The following DSCAM variants were observed in gnomAD, a reference collection of about 807,000 sequenced individuals.
DSCAM encodes the protein cell adhesion molecule DSCAM.
DSCAM carries 47 observed loss-of-function variants against 217.7 expected under a neutral mutation model. The ratio of observed to expected loss-of-function variants is 0.22; its 90% CI spans 0.17 to 0.28. DSCAM has a LOEUF of 0.28. Ranked by LOEUF, DSCAM falls within the 10% of genes least tolerant of loss-of-function variation. The pLI, the probability that DSCAM is intolerant of heterozygous loss-of-function variation, is 1.00. For synonymous variants in DSCAM, 1,056 were observed against 1,015.3 expected (o/e 1.04, Z -0.76); for missense variants, 2,080 against 2,618.3 (o/e 0.79, Z 4.49).
intron 16 of DSCAM, among the ~76,000 whole-genome samples, chr21:40,145,996 A>G (rs1056459768): frequency 6.6e-6 from 1 of 152,146 alleles, no homozygotes; most frequent in Admixed American, 6.5e-5. Context: ...GTATACATGT[A>G]CATATGTATG....
chr21:40,044,343 A>C, intron 30 of DSCAM, 68 bp from the exon 31 acceptor site: 1 of 1,502,272 alleles, frequency 6.7e-7, no homozygotes, highest in East Asian at 2.4e-5. Flanking sequence ...GCAAGCGTAG[A>C]GGTCAGTGCC....
intron 3 of DSCAM, among the ~76,000 whole-genome samples, chr21:40,541,232 C>G (rs890099164): frequency 3.3e-5 from 5 of 152,056 alleles, no homozygotes; most frequent in African/African-American, 1.2e-4. Context: ...ATTACTATAA[C>G]TAGTCCAGAA....
chr21:40,822,753 G>A (rs376057509), intron 1 of DSCAM, among the ~76,000 whole-genome samples: 1 of 152,306 alleles, frequency 6.6e-6, no homozygotes, highest in East Asian at 1.9e-4. Flanking sequence ...TATACAATAT[G>A]TAAACCCTAC....
At chr21:40,127,217 T>C (rs772981241) in intron 19 of DSCAM, among the ~76,000 whole-genome samples, 3 of 152,234 alleles carry the variant, frequency 2.0e-5, no homozygotes, top group Non-Finnish European at 4.4e-5. Flanking sequence ...TCATCTCTAA[T>C]AACCATCCTT....
chr21:40,517,362 A>T (rs2076310021), intron 3 of DSCAM, among the ~76,000 whole-genome samples: 1 of 150,350 alleles, frequency 6.7e-6, no homozygotes, highest in Non-Finnish European at 1.5e-5. Context: ...ATATACACAC[A>T]CACATATACC....
At chr21:40,032,499 A>C (rs559443356) in intron 32 of DSCAM, among the ~76,000 whole-genome samples, 1 of 152,124 alleles carries the variant, frequency 6.6e-6, no homozygotes, top group East Asian at 1.9e-4. Flanking sequence ...GTCCCTGCAC[A>C]TGGGCCTCTG....
At chr21:40,129,920 T>C (rs992087457) in intron 19 of DSCAM, among the ~76,000 whole-genome samples, 5 of 152,140 alleles carry the variant, frequency 3.3e-5, no homozygotes, top group African/African-American at 1.2e-4. Flanking sequence ...TGTCAGCTTA[T>C]TTTTTTGCTT....
chr21:40,262,526 A>T (rs1386240346), intron 11 of DSCAM, among the ~76,000 whole-genome samples: 1 of 152,134 alleles, frequency 6.6e-6, no homozygotes, highest in Non-Finnish European at 1.5e-5. Flanking sequence ...CAATCATAGA[A>T]TTACTCCCAC....
rs2073157012 is a variant in DSCAM, at chr21:40,241,823, A to T, written c.2356+34274T>A. Among the ~76,000 whole-genome samples, 3 of 152,258 alleles carry T rather than the reference A, an allele frequency of 2.0e-5. No individual in the cohort carries two copies. The South Asian group carries it at 6.2e-4, about 32-fold the overall frequency. ...ATGGAATACCATGCGGCCATAAAAAAGAATGAGATCACGTCTTTTGTAGGG... is the reference window on the plus strand; with the variant it reads ...ATGGAATACCATGCGGCCATAAAAATGAATGAGATCACGTCTTTTGTAGGG... On this transcript the variant is annotated intron_variant, in intron 11 of 32. Coordinates refer to ENST00000400454, the MANE Select transcript of DSCAM (RefSeq NM_001389.5).
chr21:40,430,354 C>T lies in DSCAM; in HGVS notation c.509-61109G>A, dbSNP rs62223846. The stretch of plus-strand genomic sequence containing the variant: ...GATTAACATTTGAGGCAGTGGGCTG[C>T]GGAAGGCAGACCCACCCTTAATTTG... On this transcript the variant is annotated intron_variant, in intron 3 of 32. Transcript: ENST00000400454. 4.4e-3 allele frequency among the ~76,000 whole-genome samples: 670 copies of T among 152,290 alleles called. 4 individuals carry two copies. The highest frequency in any genetic ancestry group is 6.7e-3 in the Admixed American group (102 of 15,300).
intron 1 of DSCAM, among the ~76,000 whole-genome samples, chr21:40,725,611 C>G (rs1341137230): frequency 6.6e-6 from 1 of 152,210 alleles, no homozygotes; most frequent in Admixed American, 6.5e-5. Context: ...TGTGCTCACA[C>G]AGCACTGAGT....
At chr21:40,513,772 T>A (rs541508802) in intron 3 of DSCAM, among the ~76,000 whole-genome samples, 1 of 152,084 alleles carries the variant, frequency 6.6e-6, no homozygotes, top group Non-Finnish European at 1.5e-5. Flanking sequence ...ATCCAAACTA[T>A]GTCAACATGG....
chr21:40,033,729 CACAG>C (rs2088579207), intron 32 of DSCAM, among the ~76,000 whole-genome samples: 1 of 151,646 alleles, frequency 6.6e-6, no homozygotes, highest in African/African-American at 2.4e-5. Context: ...AGGGGCAGGG[CACAG>C]ACAAACAAAA....
At chr21:40,777,675 AAGACTAAAT>A (rs1404225303) in intron 1 of DSCAM, among the ~76,000 whole-genome samples, 1 of 152,222 alleles carries the variant, frequency 6.6e-6, no homozygotes. Context: ...ACAGAATGAG[AAGACTAAAT>A]AGATAACTAA....
intron 32 of DSCAM, among the ~76,000 whole-genome samples, chr21:40,014,724 T>C (rs2088127032): frequency 6.6e-6 from 1 of 152,148 alleles, no homozygotes; most frequent in Non-Finnish European, 1.5e-5. Flanking sequence ...CCTGCTTCCT[T>C]TTGCTTCCTT....
chr21:40,092,433 C>T (rs932528731), intron 21 of DSCAM, among the ~76,000 whole-genome samples: 2 of 152,178 alleles, frequency 1.3e-5, no homozygotes, highest in African/African-American at 4.8e-5. Context: ...TAGACCCTGA[C>T]ATACAACAGG....
chr21:40,253,306 AT>A (rs1417396560), intron 11 of DSCAM, among the ~76,000 whole-genome samples: 1 of 152,184 alleles, frequency 6.6e-6, no homozygotes, highest in Non-Finnish European at 1.5e-5. Flanking sequence ...GAGCCTGGAA[AT>A]TCCCTGCCAA....
Position 40,774,968 on chromosome 21 carries a change from T to A in DSCAM, c.44-66197A>T, listed in dbSNP as rs1228408072. ...GAAAATGAGCAAAATTATTATGTAA[T>A]AATTATATAACATATAATTATAATT... On this transcript the variant is annotated intron_variant, in intron 1 of 32. Coordinates refer to ENST00000400454, the MANE Select transcript of DSCAM (RefSeq NM_001389.5). Among the ~76,000 whole-genome samples, 4 of 84,870 alleles carry A rather than the reference T, an allele frequency of 4.7e-5. No homozygotes were observed. In the Admixed American group the frequency reaches 5.5e-4, roughly 12 times the overall value. 55.7% of individuals were successfully genotyped at this position (84,870 alleles called of 152,430 possible).
intron 3 of DSCAM, among the ~76,000 whole-genome samples, chr21:40,373,790 T>C (rs1301362835): frequency 3.9e-5 from 6 of 152,220 alleles, no homozygotes; most frequent in African/African-American, 1.4e-4. Context: ...AACCTGGGCT[T>C]TGGAAGCCAG....
Sources: allele counts gnomAD v4.1 joint callset (sites outside exome capture counted in the v4.1 genomes callset), GRCh38; gene constraint gnomAD v4.1.1; transcripts MANE v1.5; gene names NCBI Gene and HGNC (gene_info 2026-07-23, HGNC 2026-07-21).